The following CNTN5 variants were observed in gnomAD, a reference collection of about 807,000 sequenced individuals.
The protein encoded by CNTN5 is contactin 5, also known as contactin-5.
CNTN5 carries 77 observed loss-of-function variants against 129.1 expected under a neutral mutation model. The ratio of observed to expected loss-of-function variants is 0.60; its 90% CI spans 0.50 to 0.72. The LOEUF (loss-of-function observed/expected upper bound fraction) is 0.72, where lower values mean the gene tolerates loss of function less well. CNTN5 is among the 30% of genes least tolerant of loss of function. The probability of loss-of-function intolerance (pLI) is 0.00; values close to 1 mark genes in which losing one functional copy is unlikely to be tolerated. For missense variants in CNTN5, 1,478 were observed against 1,328.8 expected, an observed-to-expected ratio of 1.11 and a Z score of -1.75; for synonymous variants, 509 against 465.6, an observed-to-expected ratio of 1.09 and a Z score of -1.20.
intron 2 of CNTN5, among the ~76,000 whole-genome samples, chr11:99,482,703 G>C (rs1042232089): frequency 1.3e-5 from 2 of 152,048 alleles, no homozygotes; most frequent in African/African-American, 4.8e-5. Context: ...AGATAACGTA[G>C]GAGAAAACCT....
At chr11:100,127,840 T>C (rs1057509403) in intron 13 of CNTN5, among the ~76,000 whole-genome samples, 5 of 151,924 alleles carry the variant, frequency 3.3e-5, no homozygotes, top group Non-Finnish European at 4.4e-5. Context: ...TTTATATTTT[T>C]AGTAAAGACA....
At chr11:99,917,507 G>A (rs1298132185) in intron 7 of CNTN5, among the ~76,000 whole-genome samples, 1 of 152,016 alleles carries the variant, frequency 6.6e-6, no homozygotes, top group Non-Finnish European at 1.5e-5. Flanking sequence ...TTGAATAATT[G>A]TTAGAGATTG....
At chr11:100,345,323 G>A (rs1377284099) in intron 23 of CNTN5, among the ~76,000 whole-genome samples, 1 of 152,066 alleles carries the variant, frequency 6.6e-6, no homozygotes, top group African/African-American at 2.4e-5. Flanking sequence ...CAACAACCAC[G>A]AGAAGCCTCT....
chr11:100,351,908 T>C (rs991907703), intron 24 of CNTN5, among the ~76,000 whole-genome samples: 1 of 145,372 alleles, frequency 6.9e-6, no homozygotes, highest in Non-Finnish European at 1.5e-5. Context: ...TTGCTTGTGA[T>C]TTTTTTTTTT....
intron 7 of CNTN5, among the ~76,000 whole-genome samples, chr11:99,951,273 A>G (rs1014151005): frequency 1.3e-5 from 2 of 151,686 alleles, no homozygotes; most frequent in African/African-American, 4.8e-5. Context: ...CTAGGTAAAA[A>G]AAAAAAAACA....
At chr11:99,990,130 C>T (rs565455235) in intron 8 of CNTN5, among the ~76,000 whole-genome samples, 1 of 152,110 alleles carries the variant, frequency 6.6e-6, no homozygotes, top group Admixed American at 6.5e-5. Context: ...TTGCTTTCTT[C>T]AGGCCTTACA....
At chr11:99,840,286 G>T (rs1314922777) in intron 4 of CNTN5, among the ~76,000 whole-genome samples, 1 of 151,904 alleles carries the variant, frequency 6.6e-6, no homozygotes, top group African/African-American at 2.4e-5. Flanking sequence ...TATGCAAAAA[G>T]GAATACAGCA....
At chr11:99,200,757 A>G (rs938824161) in intron 1 of CNTN5, among the ~76,000 whole-genome samples, 2 of 152,154 alleles carry the variant, frequency 1.3e-5, no homozygotes, top group African/African-American at 4.8e-5. Flanking sequence ...AAACACTTCT[A>G]TTATGCATTC....
At chr11:100,100,482 C>A (rs952516449) in intron 13 of CNTN5, among the ~76,000 whole-genome samples, 1 of 152,040 alleles carries the variant, frequency 6.6e-6, no homozygotes, top group Non-Finnish European at 1.5e-5. Flanking sequence ...AGAACCCATT[C>A]TTTTATATTT....
intron 2 of CNTN5, among the ~76,000 whole-genome samples, chr11:99,468,553 C>T (rs552426399): frequency 6.6e-6 from 1 of 152,244 alleles, no homozygotes; most frequent in Admixed American, 6.5e-5. Flanking sequence ...GGCAATGTAG[C>T]CTGCAGAGTC....
chr11:100,117,012 A>G (rs939227876), intron 13 of CNTN5, among the ~76,000 whole-genome samples: 1 of 151,980 alleles, frequency 6.6e-6, no homozygotes, highest in Admixed American at 6.6e-5. Context: ...AAATGTGTCT[A>G]TCAAAGTCAC....
chr11:99,608,711 C>CT (rs1352600000), intron 3 of CNTN5, among the ~76,000 whole-genome samples: 1 of 152,152 alleles, frequency 6.6e-6, no homozygotes, highest in East Asian at 1.9e-4. Context: ...TTAAGCCACT[C>CT]TATTTGTGGT....
rs537343884 is a variant in CNTN5, at chr11:100,334,673, C to T, written c.2731-5790C>T. Among the ~76,000 whole-genome samples the T allele has an allele frequency of 2.6e-4, 40 of 152,190 alleles. 2 individuals carry two copies. In the South Asian group the frequency reaches 8.3e-3, roughly 32 times the overall value. On this transcript the variant is annotated intron_variant, in intron 21 of 24. Coordinates refer to ENST00000524871, the MANE Select transcript of CNTN5 (RefSeq NM_014361.4). ...GAGACTATTATTCTAAGTGAAGTAA[C>T]TCAGGAATGGAAAACCAAAAATTGT...
intron 3 of CNTN5, among the ~76,000 whole-genome samples, chr11:99,641,329 A>T: frequency 6.6e-6 from 1 of 152,214 alleles, no homozygotes; most frequent in South Asian, 2.1e-4. Flanking sequence ...CTTTGATAAT[A>T]ATAATGAAAC....
At chr11:99,581,236 A>T (rs1403142459) in intron 3 of CNTN5, among the ~76,000 whole-genome samples, 2 of 99,432 alleles carry the variant, frequency 2.0e-5, no homozygotes, top group African/African-American at 4.0e-5. Flanking sequence ...TTTGCTGAGG[A>T]GAGCTTTACT....
At chr11:99,743,808 G>C (rs544521972) in intron 3 of CNTN5, among the ~76,000 whole-genome samples, 1 of 152,260 alleles carries the variant, frequency 6.6e-6, no homozygotes, top group East Asian at 1.9e-4. Context: ...GAAATCTTAA[G>C]AGATTCTTGA....
At chr11:99,257,835 T>G (rs1020836461) in intron 1 of CNTN5, among the ~76,000 whole-genome samples, 3 of 152,042 alleles carry the variant, frequency 2.0e-5, no homozygotes, top group Admixed American at 2.0e-4. Context: ...ACAATCATAC[T>G]TTTCTGTATT....
intron 8 of CNTN5, among the ~76,000 whole-genome samples, chr11:99,974,269 A>G (rs1937782506): frequency 1.3e-5 from 2 of 152,200 alleles, no homozygotes; most frequent in Admixed American, 1.3e-4. Flanking sequence ...TCTGACTGCA[A>G]AGAGTACACG....
At chr11:100,223,631 T>C (rs1208223362) in intron 15 of CNTN5, among the ~76,000 whole-genome samples, 1 of 152,170 alleles carries the variant, frequency 6.6e-6, no homozygotes. Flanking sequence ...TGCCTCTCTA[T>C]GACTTTCATT....
Sources: gnomAD v4.1 joint callset for allele counts (sites outside exome capture counted in the v4.1 genomes callset) on GRCh38, gnomAD v4.1.1 for gene constraint, MANE v1.5 for transcripts, NCBI Gene and HGNC (gene_info 2026-07-23, HGNC 2026-07-21) for gene names.